The following FAXC variants were observed in gnomAD, a reference collection of about 807,000 sequenced individuals.
The protein encoded by FAXC is failed axon connections homolog.
In FAXC, 10 loss-of-function variants were observed where a neutral mutation model predicts 41.9. That is an observed-to-expected ratio of 0.24 (90% CI 0.15 to 0.41). The LOEUF (loss-of-function observed/expected upper bound fraction) is 0.41, where lower values mean the gene tolerates loss of function less well. FAXC is among the 10% of genes least tolerant of loss of function. The pLI, the probability that FAXC is intolerant of heterozygous loss-of-function variation, is 1.00. For synonymous variants in FAXC, 183 were observed against 183.8 expected (o/e 1.00, Z 0.03); for missense variants, 399 against 510.9 (o/e 0.78, Z 2.11).
At chr6:99,329,084 C>T (rs948929645) in intron 3 of FAXC, among the ~76,000 whole-genome samples, 1 of 152,146 alleles carries the variant, frequency 6.6e-6, no homozygotes, top group Admixed American at 6.5e-5. Context: ...AGACCCACTG[C>T]AAAAGGAATC....
intron 4 of FAXC, among the ~76,000 whole-genome samples, chr6:99,312,739 ATCTT>A (rs1190126671): frequency 6.6e-6 from 1 of 152,220 alleles, no homozygotes; most frequent in African/African-American, 2.4e-5. Context: ...TTCTAGTTAA[ATCTT>A]TCTAATATTT....
At chr6:99,299,388 A>G (rs529734682) in intron 4 of FAXC, among the ~76,000 whole-genome samples, 60 of 152,330 alleles carry the variant, frequency 3.9e-4, no homozygotes, top group Non-Finnish European at 7.5e-4. Context: ...GGAGAAACTA[A>G]AGAGAATAAT....
chr6:99,297,348 C>T (rs189172195), intron 4 of FAXC, among the ~76,000 whole-genome samples: 74 of 152,206 alleles, frequency 4.9e-4, no homozygotes, highest in Non-Finnish European at 7.4e-4. Flanking sequence ...CAATAGAGGA[C>T]AAAGACACAC....
chr6:99,349,252 C>A lies in FAXC; in HGVS notation c.121G>T (p.Asp41Tyr). 6.2e-7 allele frequency: 1 copy of A among 1,613,894 alleles called. No homozygotes were observed. Among genetic ancestry groups the A allele is most frequent in the East Asian group, 2.2e-5 (1 of 44,884 alleles). Reference protein sequence around the residue: ...GSEEPFSFYGDIIAFPLQDYG... With the variant: ...GSEEPFSFYGYIIAFPLQDYG... ...TCCTGCAAAGGGAAAGCGATGATGT[C>A]CCCATAAAAGGAGAAGGGCTCCTCG... The change falls in exon 1 of 6, where the codon GAC becomes TAC. Residue 41 changes from aspartate (D) to tyrosine (Y), a missense_variant. This residue lies in a region of FAXC where 68 missense variants were observed against 63.4 expected (regional missense o/e 1.07). Transcript: ENST00000389677.
rs879687984 is a variant in FAXC, at chr6:99,277,211, C to CA, written c.*3952dup. 4 of 152,336 alleles carry CA rather than the reference C, an allele frequency of 2.6e-5. No homozygotes were observed. Among genetic ancestry groups the CA allele is most frequent in the Non-Finnish European group, 4.4e-5 (3 of 68,160 alleles). 9.4% of individuals were successfully genotyped at this position (152,336 alleles called of 1,614,324 possible). On this transcript the variant is annotated 3_prime_UTR_variant, in exon 6 of 6. Coordinates refer to ENST00000389677, the MANE Select transcript of FAXC (RefSeq NM_032511.4). Reference sequence around the variant, plus strand: ...ACAAGGTGAACAAAGGTGAAAACACCAGACCCTAAGGAGTAGCCCCTCACC... The same window carrying CA: ...ACAAGGTGAACAAAGGTGAAAACACCAAGACCCTAAGGAGTAGCCCCTCACC...
At chr6:99,343,070 A>C (rs775192650) in intron 1 of FAXC, 37 bp from the exon 2 acceptor site, 1 of 1,560,324 alleles carries the variant, frequency 6.4e-7, no homozygotes. Context: ...TACAATCCAC[A>C]TGTTATCCAC....
intron 2 of FAXC, among the ~76,000 whole-genome samples, chr6:99,337,198 C>T (rs577196463): frequency 4.6e-5 from 7 of 151,532 alleles, no homozygotes; most frequent in South Asian, 4.2e-4. Flanking sequence ...TAACCATTCA[C>T]GATCTAGGTA....
intron 1 of FAXC, among the ~76,000 whole-genome samples, chr6:99,344,421 A>G (rs1301021547): frequency 6.6e-6 from 1 of 151,320 alleles, no homozygotes; most frequent in Admixed American, 6.6e-5. Flanking sequence ...ACAACACCAC[A>G]CCCCCTTCTT....
At chr6:99,283,875 A>G (rs1770921116) in intron 5 of FAXC, among the ~76,000 whole-genome samples, 1 of 152,334 alleles carries the variant, frequency 6.6e-6, no homozygotes, top group Admixed American at 6.5e-5. Flanking sequence ...AGCTTTTCCT[A>G]CAGAAAATCA....
chr6:99,306,935 G>C (rs1562163841), intron 4 of FAXC, among the ~76,000 whole-genome samples: 2 of 152,210 alleles, frequency 1.3e-5, no homozygotes, highest in African/African-American at 4.8e-5. Flanking sequence ...AGAGACTAAT[G>C]TCTCATCAAG....
intron 4 of FAXC, among the ~76,000 whole-genome samples, chr6:99,318,728 C>A (rs936554350): frequency 6.6e-6 from 1 of 152,136 alleles, no homozygotes; most frequent in Non-Finnish European, 1.5e-5. Flanking sequence ...TAGTCCCCAC[C>A]CACTGTGATG....
intron 3 of FAXC, among the ~76,000 whole-genome samples, chr6:99,330,476 T>C (rs1772991457): frequency 6.6e-6 from 1 of 152,214 alleles, no homozygotes; most frequent in Admixed American, 6.5e-5. Context: ...AGTGTATAGA[T>C]TTCAAGTGGA....
In FAXC at chr6:99,273,995, G is replaced by A. The variant is rs1001827630; in HGVS notation, c.*7169C>T. 1 of 152,070 alleles carries A rather than the reference G, an allele frequency of 6.6e-6. No individual in the cohort carries two copies. The highest frequency in any genetic ancestry group is 1.5e-5 in the Non-Finnish European group (1 of 68,016). The allele number at this position is 152,070 out of a possible 1,614,324, so 9.4% of individuals were successfully genotyped here. A position where few individuals can be genotyped will look rare whatever the true frequency, so the allele number is the denominator to read the frequency against. On this transcript the variant is annotated 3_prime_UTR_variant, in exon 6 of 6. Transcript: ENST00000389677. ...GACCACTGCCTAAATAGGGATGGACGATCTGGGCTGTCTGCAAACATTTAA... is the reference window on the plus strand; with the variant it reads ...GACCACTGCCTAAATAGGGATGGACAATCTGGGCTGTCTGCAAACATTTAA...
At chr6:99,348,978 G>C in intron 1 of FAXC, 129 bp downstream of exon 1, 1 of 846,722 alleles carries the variant, frequency 1.2e-6, no homozygotes, top group Non-Finnish European at 1.9e-6. Flanking sequence ...TTAGGGAAAG[G>C]TAATTGCAGG....
rs890111798 is a variant in FAXC, at chr6:99,272,503, A to T, written c.*8661T>A. 2.6e-5 allele frequency: 4 copies of T among 152,124 alleles called. No homozygotes were observed. The highest frequency in any genetic ancestry group is 2.1e-4 in the South Asian group (1 of 4,828). The allele number at this position is 152,124 out of a possible 1,614,324, so 9.4% of individuals were successfully genotyped here. ...TTGAGACAATATTTATACAAGGGGA[A>T]ATTGGTCTATTATAAGGCCTAGCCA... On this transcript the variant is annotated 3_prime_UTR_variant, in exon 6 of 6. Coordinates refer to ENST00000389677, the MANE Select transcript of FAXC (RefSeq NM_032511.4).
chr6:99,347,716 A>C (rs1280524041), intron 1 of FAXC, among the ~76,000 whole-genome samples: 2 of 152,258 alleles, frequency 1.3e-5, no homozygotes, highest in Non-Finnish European at 2.9e-5. Context: ...TTAGACTAGA[A>C]TACAACTGAG....
At chr6:99,282,042 T>C (rs1770859991) in intron 5 of FAXC, among the ~76,000 whole-genome samples, 1 of 152,204 alleles carries the variant, frequency 6.6e-6, no homozygotes, top group Admixed American at 6.5e-5. Context: ...AAAAGTTACA[T>C]TCAGTGAGTG....
At chr6:99,310,785 T>C (rs1772125843) in intron 4 of FAXC, among the ~76,000 whole-genome samples, 1 of 152,240 alleles carries the variant, frequency 6.6e-6, no homozygotes, top group Non-Finnish European at 1.5e-5. Flanking sequence ...TGTTCATCCT[T>C]TTCCACTGCC....
At chr6:99,316,981 T>C (rs972567401) in intron 4 of FAXC, among the ~76,000 whole-genome samples, 1 of 152,186 alleles carries the variant, frequency 6.6e-6, no homozygotes, top group African/African-American at 2.4e-5. Flanking sequence ...CTTTATTACA[T>C]AGTCAAGGTC....
Sources: gnomAD v4.1 joint callset for allele counts (sites outside exome capture counted in the v4.1 genomes callset) on GRCh38, gnomAD v4.1.1 for gene constraint, gnomAD v4.1.1 regional missense constraint, MANE v1.5 for transcripts, NCBI Gene and HGNC (gene_info 2026-07-23, HGNC 2026-07-21) for gene names.